HK3: variants seen among roughly 807,000 people sequenced by gnomAD.
HK3 encodes hexokinase-3.
A neutral mutation model predicts 91.0 loss-of-function variants in HK3; 93 were observed. The ratio of observed to expected loss-of-function variants is 1.02; its 90% CI spans 0.86 to 1.21. The LOEUF (loss-of-function observed/expected upper bound fraction) is 1.21, where lower values mean the gene tolerates loss of function less well. Among genes scored for constraint, HK3 ranks in the 50% most tolerant of loss-of-function variants. The pLI, the probability that HK3 is intolerant of heterozygous loss-of-function variation, is 0.00. For missense variants in HK3, 1,235 were observed against 1,247.4 expected (o/e 0.99, Z 0.15); for synonymous variants, 519 against 516.9 (o/e 1.00, Z -0.06).
chr5:176,889,598 C>G (rs765647860), intron 7 of HK3, 34 bp from the exon 8 acceptor site: 2 of 1,614,164 alleles, frequency 1.2e-6, no homozygotes, highest in Non-Finnish European at 1.7e-6. Context: ...GCCTGCTAGC[C>G]AGGCAGCACA....
intron 1 of HK3, among the ~76,000 whole-genome samples, chr5:176,898,752 CCCTTAGCTGAATGGGCTA>C (rs1758967888): frequency 6.6e-6 from 1 of 152,224 alleles, no homozygotes; most frequent in Non-Finnish European, 1.5e-5. Context: ...CCCGTGGCTT[CCCTTAGCTGAATGGGCTA>C]CACGAAGTGA....
intron 2 of HK3, 112 bp from the exon 3 acceptor site, chr5:176,891,662 T>C (rs1758779392): frequency 9.3e-7 from 1 of 1,074,868 alleles, no homozygotes; most frequent in African/African-American, 1.6e-5. Flanking sequence ...CGGCTCTTCA[T>C]ACACCCTGAC....
rs1171317919 is a variant in HK3 at position 176,884,040 on chromosome 5, T to G, written c.1952A>C (p.Gln651Pro). 9.3e-6 allele frequency: 15 copies of G among 1,613,998 alleles called. No homozygotes were observed. The highest frequency in any genetic ancestry group is 1.2e-5 in the Non-Finnish European group (14 of 1,179,888). ...SLLREAITRR[Q>P]AVELNVVAIV... ...AGCACCCCTAGAACAGGCTCCTACC[T>G]GTCTGCGAGTGATGGCTTCCCGCAA... The change falls in exon 14 of 19, where the codon CAG (glutamine) becomes CCG (proline). Residue 651 changes from glutamine (Q) to proline (P), a missense_variant and splice_region_variant. By Grantham distance (76) the Gln-to-Pro change is moderately conservative. This residue lies in a region of HK3 where 513 missense variants were observed against 477.4 expected (regional missense o/e 1.07). Transcript: ENST00000292432. The surrounding 1 kb of genome is among the most constrained non-coding windows in gnomAD (Gnocchi z 4.1).
chr5:176,881,607 C>A, intron 17 of HK3, 72 bp from the exon 18 acceptor site: 1 of 1,591,204 alleles, frequency 6.3e-7, no homozygotes, highest in Admixed American at 1.7e-5. Context: ...CCAGAGCAGA[C>A]CTCGTCACCA....
chr5:176,889,165 C>T (rs1758688784), intron 8 of HK3, among the ~76,000 whole-genome samples: 1 of 152,248 alleles, frequency 6.6e-6, no homozygotes, highest in Non-Finnish European at 1.5e-5. Flanking sequence ...AGGCCAGAGT[C>T]AGGAACAGGG....
chr5:176,888,897 T>C (rs755454773), intron 8 of HK3, 33 bp from the exon 9 acceptor site: 1 of 1,603,704 alleles, frequency 6.2e-7, no homozygotes, highest in Non-Finnish European at 8.5e-7. Context: ...GAGGAAGCCT[T>C]TTCTAAGCCC....
In HK3 at chr5:176,896,189, T is replaced by C; in HGVS notation, c.-26-4A>G. ...TTCCACAGTGGAAGGTGGCCACCTA[T>C]GGGAGAAAAGGGACAACCTGGGTCA... is the stretch of plus-strand genomic sequence containing the variant. On this transcript the variant is annotated splice_polypyrimidine_tract_variant and splice_region_variant and intron_variant, in intron 1 of 18. Transcript: ENST00000292432. 6.5e-7 allele frequency: 1 copy of C among 1,543,378 alleles called. No homozygotes were observed. The highest frequency in any genetic ancestry group is 8.8e-7 in the Non-Finnish European group (1 of 1,136,188).
rs1758747718 is a variant in HK3 at position 176,890,862 on chromosome 5, A to C, written c.494T>G (p.Phe165Cys). The stretch of plus-strand genomic sequence containing the variant: ...CTGGTGACAAGGGAAAGAGAAGCTG[A>C]AGCCAAGCTGCAGACCCTGTTTGTT... ...PVNKQGLQLG[F>C]SFSFPCHQTG... The change falls in exon 5 of 19, where the codon TTC becomes TGC. Residue 165 changes from phenylalanine (F) to cysteine (C), a missense_variant. Phe to Cys is a radical substitution (Grantham distance 205). Coordinates refer to ENST00000292432, the MANE Select transcript of HK3 (RefSeq NM_002115.3). 3.1e-6 allele frequency: 5 copies of C among 1,614,114 alleles called. No individual in the cohort carries two copies. The highest frequency in any genetic ancestry group is 3.4e-6 in the Non-Finnish European group (4 of 1,180,036).
intron 10 of HK3, among the ~76,000 whole-genome samples, chr5:176,888,100 C>T (rs1428855032): frequency 6.6e-6 from 1 of 152,096 alleles, no homozygotes. Context: ...GTTCTGTGCA[C>T]CAGCCATACG....
chr5:176,888,033 A>T (rs944911717), intron 10 of HK3, among the ~76,000 whole-genome samples: 9 of 151,996 alleles, frequency 5.9e-5, no homozygotes, highest in Admixed American at 5.2e-4. Context: ...CCCAGTGTTG[A>T]GATTACAGGC....
At chr5:176,883,154 T>C (rs1358458539) in intron 15 of HK3, among the ~76,000 whole-genome samples, 1 of 152,258 alleles carries the variant, frequency 6.6e-6, no homozygotes, top group African/African-American at 2.4e-5. Context: ...TAACCCTTGC[T>C]GAGTGGTCGG....
intron 15 of HK3, among the ~76,000 whole-genome samples, chr5:176,883,128 C>T (rs1017568744): frequency 7.2e-5 from 11 of 152,342 alleles, no homozygotes; most frequent in African/African-American, 1.4e-4. Context: ...CTGACCGCTA[C>T]GTGTTGTTCT....
At chr5:176,890,478 C>T (rs1758735186) in intron 6 of HK3, among the ~76,000 whole-genome samples, 157 bp downstream of exon 6, 1 of 152,188 alleles carries the variant, frequency 6.6e-6, no homozygotes, top group Non-Finnish European at 1.5e-5. Flanking sequence ...ATGGTAGCAA[C>T]ATGTACCATG....
chr5:176,897,721 A>C (rs1357211839), intron 1 of HK3, among the ~76,000 whole-genome samples: 1 of 152,092 alleles, frequency 6.6e-6, no homozygotes, highest in Non-Finnish European at 1.5e-5. Context: ...CTTCATCAGT[A>C]ATTTCTGTTC....
intron 1 of HK3, among the ~76,000 whole-genome samples, 165 bp from the exon 2 acceptor site, chr5:176,896,350 C>T (rs993066383): frequency 6.6e-6 from 1 of 152,194 alleles, no homozygotes; most frequent in Admixed American, 6.5e-5. Context: ...AACCAGAAGG[C>T]CCTTGTTTTT....
At chr5:176,885,468 C>A (rs1016901201) in intron 13 of HK3, among the ~76,000 whole-genome samples, 7 of 152,132 alleles carry the variant, frequency 4.6e-5, no homozygotes, top group African/African-American at 1.7e-4. Context: ...GTTGCCCAGG[C>A]TGGAGTGCAA....
intron 1 of HK3, among the ~76,000 whole-genome samples, chr5:176,897,694 C>T (rs946439125): frequency 7.9e-5 from 12 of 152,210 alleles, no homozygotes; most frequent in African/African-American, 2.9e-4. Flanking sequence ...AGGTCTCCTT[C>T]CTGAGTCTCT....
chr5:176,887,757 A>G lies in HK3; in HGVS notation c.1305-11T>C, dbSNP rs1581295748. The G allele has an allele frequency of 6.3e-7, 1 of 1,593,844 alleles. No individual in the cohort carries two copies. The highest frequency in any genetic ancestry group is 8.6e-7 in the Non-Finnish European group (1 of 1,166,482). ...AGGACGCTGCAGAACCTACAGATAC[A>G]TACAGGTGCACCCGGCTTGGCCCTG... On this transcript the variant is annotated splice_polypyrimidine_tract_variant and intron_variant, in intron 10 of 18. Transcript: ENST00000292432. This position sits in a 1 kb window ranked among gnomAD's most constrained non-coding sequence, Gnocchi z 4.9.
At position 176,887,308 on chromosome 5, in the gene HK3, C is replaced by T. The variant is rs781496967; in HGVS notation, c.1630G>A (p.Gly544Arg). 3.2e-5 allele frequency: 52 copies of T among 1,613,882 alleles called. No homozygotes were observed. Among genetic ancestry groups the T allele is most frequent in the Non-Finnish European group, 3.2e-5 (38 of 1,180,022 alleles). ...ERGDFLALDL[G>R]GTNFRVLLVR... ...AGGAGGACACGGAAGTTCGTGCCCC[C>T]GAGGTCCAGGGCCAGGAAATCCCCT... The change falls in exon 12 of 19, where the codon GGG becomes AGG. Residue 544 changes from glycine (G) to arginine (R), a missense_variant. Physicochemically the swap from Gly to Arg is moderately radical, Grantham distance 125 (BLOSUM62 -2). Transcript: ENST00000292432. The surrounding 1 kb of genome is among the most constrained non-coding windows in gnomAD (Gnocchi z 4.9).
Sources: allele counts gnomAD v4.1 joint callset (sites outside exome capture counted in the v4.1 genomes callset), GRCh38; gene constraint gnomAD v4.1.1; regional missense constraint gnomAD v4.1.1; non-coding constraint Gnocchi (gnomAD v3.1); transcripts MANE v1.5; gene names NCBI Gene and HGNC (gene_info 2026-07-23, HGNC 2026-07-21).